The following EBF1 variants were observed in gnomAD, a reference collection of about 807,000 sequenced individuals.
EBF1 encodes the protein EBF transcription factor 1.
EBF1 carries 10 observed loss-of-function variants against 68.4 expected under a neutral mutation model. The observed-to-expected ratio is 0.15, with a 90% CI of 0.09 to 0.25. EBF1 has a LOEUF of 0.25. Ranked by LOEUF, EBF1 falls within the 10% of genes least tolerant of loss-of-function variation. EBF1 has a pLI of 1.00. For synonymous variants in EBF1, 298 were observed against 299.8 expected (o/e 0.99, Z 0.06); for missense variants, 509 against 794.4 (o/e 0.64, Z 4.32).
At chr5:159,047,964 C>T (rs1349237584) in intron 6 of EBF1, among the ~76,000 whole-genome samples, 1 of 152,172 alleles carries the variant, frequency 6.6e-6, no homozygotes, top group African/African-American at 2.4e-5. Context: ...GAAGAAAAAC[C>T]TCCAATCATG....
intron 11 of EBF1, among the ~76,000 whole-genome samples, chr5:158,730,726 G>A (rs995357788): frequency 2.0e-5 from 3 of 152,160 alleles, no homozygotes; most frequent in African/African-American, 7.2e-5. Flanking sequence ...ATGCTGCATA[G>A]GTTCAAATCT....
chr5:158,778,971 C>T (rs920746721), intron 9 of EBF1, among the ~76,000 whole-genome samples: 2 of 151,978 alleles, frequency 1.3e-5, no homozygotes, highest in Non-Finnish European at 2.9e-5. Context: ...TTGTTCTTAG[C>T]ACCTTCTAAT....
At chr5:159,000,903 G>GT (rs1762404837) in intron 6 of EBF1, among the ~76,000 whole-genome samples, 1 of 152,098 alleles carries the variant, frequency 6.6e-6, no homozygotes, top group African/African-American at 2.4e-5. Context: ...ATTGTTTCAG[G>GT]TATCACACAA....
At chr5:158,981,613 T>A (rs1757911638) in intron 6 of EBF1, among the ~76,000 whole-genome samples, 1 of 152,130 alleles carries the variant, frequency 6.6e-6, no homozygotes, top group Admixed American at 6.5e-5. Context: ...TCCAGTATAA[T>A]ATTAAAATAT....
chr5:158,884,750 AAATT>A (rs1269940494), intron 6 of EBF1, among the ~76,000 whole-genome samples: 1 of 152,196 alleles, frequency 6.6e-6, no homozygotes, highest in Non-Finnish European at 1.5e-5. Flanking sequence ...TACTAATATT[AAATT>A]AATTGCTTAC....
intron 9 of EBF1, among the ~76,000 whole-genome samples, chr5:158,794,608 C>T (rs1443381183): frequency 6.6e-6 from 1 of 152,090 alleles, no homozygotes; most frequent in Non-Finnish European, 1.5e-5. Flanking sequence ...ATTTTTAATG[C>T]CAATTTTGAG....
At chr5:158,879,933 C>A (rs1798558641) in intron 6 of EBF1, among the ~76,000 whole-genome samples, 1 of 152,132 alleles carries the variant, frequency 6.6e-6, no homozygotes, top group Admixed American at 6.5e-5. Flanking sequence ...AACATCAGGG[C>A]AGGAAGGGTG....
intron 1 of EBF1, among the ~76,000 whole-genome samples, chr5:159,098,374 G>A (rs1227196456): frequency 6.6e-6 from 1 of 152,186 alleles, no homozygotes; most frequent in Admixed American, 6.5e-5. Flanking sequence ...TGGTGACAGG[G>A]GCTGGAGAAG....
chr5:158,867,489 C>T (rs1796138837), intron 6 of EBF1, among the ~76,000 whole-genome samples: 1 of 152,130 alleles, frequency 6.6e-6, no homozygotes, highest in African/African-American at 2.4e-5. Flanking sequence ...CTGTCAGAGG[C>T]AGCTCTGGAA....
chr5:158,920,907 G>T (rs1808279942), intron 6 of EBF1, among the ~76,000 whole-genome samples: 1 of 152,228 alleles, frequency 6.6e-6, no homozygotes, highest in Non-Finnish European at 1.5e-5. Flanking sequence ...GGAAGTCCCT[G>T]TGTTTTAATT....
In EBF1 at chr5:158,965,657, C is replaced by CA. The variant is rs1240676372; in HGVS notation, c.554+107738dup. Among the ~76,000 whole-genome samples the CA allele has an allele frequency of 2.6e-5, 4 of 152,126 alleles. No homozygotes were observed. In the East Asian group the frequency reaches 7.7e-4, roughly 29 times the overall value. On this transcript the variant is annotated intron_variant, in intron 6 of 15. Transcript: ENST00000313708. ...ATTTGGGATTAAAGAAGGAACACAC[C>CA]ACCTGTCTTAAAGTTGACATAAATG...
chr5:158,725,702 A>G (rs761858614), intron 11 of EBF1, among the ~76,000 whole-genome samples: 2 of 152,202 alleles, frequency 1.3e-5, no homozygotes, highest in African/African-American at 2.4e-5. Context: ...GAGAAAATGC[A>G]CTGAGAACAA....
At chr5:158,776,036 T>C (rs549774382) in intron 10 of EBF1, among the ~76,000 whole-genome samples, 1 of 152,238 alleles carries the variant, frequency 6.6e-6, no homozygotes, top group African/African-American at 2.4e-5. Flanking sequence ...AGACTATTAT[T>C]TTTTCAAGTG....
At chr5:159,044,432 C>G (rs1771906486) in intron 6 of EBF1, among the ~76,000 whole-genome samples, 1 of 152,002 alleles carries the variant, frequency 6.6e-6, no homozygotes, top group African/African-American at 2.4e-5. Flanking sequence ...TTAAACAAAC[C>G]AAAACTATAA....
At chr5:159,048,910 G>C (rs1772983829) in intron 6 of EBF1, among the ~76,000 whole-genome samples, 1 of 152,222 alleles carries the variant, frequency 6.6e-6, no homozygotes, top group South Asian at 2.1e-4. Context: ...AGTGGAAGCA[G>C]TACACAGTAA....
In EBF1 at chr5:159,052,009, C is replaced by CAA. The variant is rs11398005; in HGVS notation, c.554+21385_554+21386dup. ...TACGCACAGGCTCATAAGACACACG[C>CAA]AAAAAAATTATTATTATTATGGGCT... On this transcript the variant is annotated intron_variant, in intron 6 of 15. Transcript: ENST00000313708. 9.2e-5 allele frequency among the ~76,000 whole-genome samples: 14 copies of CAA among 152,002 alleles called. No homozygotes were observed. In the South Asian group the frequency reaches 1.2e-3, roughly 14 times the overall value.
intron 14 of EBF1, 61 bp from the exon 15 acceptor site, chr5:158,708,234 G>T: frequency 6.6e-7 from 1 of 1,506,900 alleles, no homozygotes; most frequent in Non-Finnish European, 9.0e-7. Context: ...AAGCAAAGAA[G>T]CTCAGATCCA....
At chr5:158,712,408 A>C in intron 13 of EBF1, 75 bp from the exon 14 acceptor site, 1 of 1,543,934 alleles carries the variant, frequency 6.5e-7, no homozygotes, top group East Asian at 2.3e-5. Flanking sequence ...CGGGGAAAGG[A>C]AGGTCTCTGT....
intron 6 of EBF1, among the ~76,000 whole-genome samples, chr5:159,048,683 A>G (rs62385431): frequency 0.01 from 1,567 of 152,072 alleles, 11 homozygotes; most frequent in Non-Finnish European, 0.016. Flanking sequence ...GCTTCCTAAG[A>G]TCATGCCCAT....
Sources: allele counts gnomAD v4.1 joint callset (sites outside exome capture counted in the v4.1 genomes callset), GRCh38; gene constraint gnomAD v4.1.1; transcripts MANE v1.5; gene names NCBI Gene and HGNC (gene_info 2026-07-23, HGNC 2026-07-21).